The following XPNPEP1 variants were observed in gnomAD, a reference collection of about 807,000 sequenced individuals.
XPNPEP1 encodes the protein X-prolyl aminopeptidase 1.
In XPNPEP1, 39 loss-of-function variants were observed where a neutral mutation model predicts 92.4. The ratio of observed to expected loss-of-function variants is 0.42; its 90% confidence interval spans 0.33 to 0.55. The LOEUF (loss-of-function observed/expected upper bound fraction) is 0.55, where lower values mean the gene tolerates loss of function less well. Ranked by LOEUF, XPNPEP1 falls within the 20% of genes least tolerant of loss-of-function variation. The pLI is 0.08. For missense variants in XPNPEP1, 654 were observed against 856.1 expected (o/e 0.76, Z 2.95); for synonymous variants, 307 against 299.4 (o/e 1.03, Z -0.26).
chr10:109,909,546 C>T (rs115843068), intron 2 of XPNPEP1, among the ~76,000 whole-genome samples: 1 of 152,182 alleles, frequency 6.6e-6, no homozygotes, highest in Non-Finnish European at 1.5e-5. Flanking sequence ...ACAGATGATA[C>T]AAGCTGACTT....
intron 7 of XPNPEP1, among the ~76,000 whole-genome samples, chr10:109,887,023 C>A (rs1322353598): frequency 2.0e-5 from 3 of 152,200 alleles, no homozygotes; most frequent in Non-Finnish European, 4.4e-5. Context: ...GCCACCACAA[C>A]CACCCTACCA....
intron 20 of XPNPEP1, among the ~76,000 whole-genome samples, chr10:109,865,559 T>A: frequency 6.6e-6 from 1 of 152,300 alleles, no homozygotes; most frequent in Middle Eastern, 3.4e-3. Context: ...TAGACAGCAG[T>A]CTCTAAGCCA....
intron 10 of XPNPEP1, 143 bp downstream of exon 10, chr10:109,882,289 G>A: frequency 1.1e-6 from 1 of 893,870 alleles, no homozygotes; most frequent in East Asian, 2.7e-5. Flanking sequence ...CTCTTGCTAT[G>A]GCTCCAGCTT....
rs1015678327 is a variant in XPNPEP1, at chr10:109,894,966, G to C, written c.247-1891C>G. On this transcript the variant is annotated intron_variant, in intron 3 of 20. Transcript: ENST00000502935. ...ATTAAAAAGTAACAACGGGGGGAAG[G>C]GTGGCCCACACATCTCCTAGGACTC... 3.9e-5 allele frequency among the ~76,000 whole-genome samples: 6 copies of C among 152,242 alleles called. No individual in the cohort carries two copies. The East Asian group carries it at 7.7e-4, about 20-fold the overall frequency.
intron 1 of XPNPEP1, among the ~76,000 whole-genome samples, chr10:109,921,349 T>C (rs1341382777): frequency 6.6e-6 from 1 of 151,572 alleles, no homozygotes; most frequent in Non-Finnish European, 1.5e-5. Context: ...CCAGAACTTC[T>C]TCGACCTACA....
At chr10:109,883,043 C>G (rs1848192890) in intron 9 of XPNPEP1, among the ~76,000 whole-genome samples, 1 of 152,200 alleles carries the variant, frequency 6.6e-6, no homozygotes, top group Non-Finnish European at 1.5e-5. Flanking sequence ...ATGTTTCAGT[C>G]ATAATATTCT....
At chr10:109,909,828 A>G (rs1348564074) in intron 2 of XPNPEP1, among the ~76,000 whole-genome samples, 2 of 152,146 alleles carry the variant, frequency 1.3e-5, no homozygotes, top group African/African-American at 4.8e-5. Context: ...TCACAGCAAA[A>G]CTGAGCAGAA....
chr10:109,919,750 C>T (rs912116595), intron 1 of XPNPEP1, among the ~76,000 whole-genome samples: 1 of 152,158 alleles, frequency 6.6e-6, no homozygotes, highest in Non-Finnish European at 1.5e-5. Context: ...AAAGGGAAAT[C>T]ACGCCAGGCG....
At chr10:109,891,920 G>T (rs1230645858) in intron 4 of XPNPEP1, 94 bp from the exon 5 acceptor site, 2 of 1,253,688 alleles carry the variant, frequency 1.6e-6, no homozygotes, top group Non-Finnish European at 2.2e-6. Flanking sequence ...AGAGCAGTAA[G>T]AGGCATCAGC....
intron 3 of XPNPEP1, among the ~76,000 whole-genome samples, chr10:109,900,609 C>T (rs552646321): frequency 2.0e-5 from 3 of 152,300 alleles, no homozygotes; most frequent in South Asian, 2.1e-4. Flanking sequence ...CCAAATCCTA[C>T]CCCTCCTCTC....
At chr10:109,883,988 G>A in intron 9 of XPNPEP1, 79 bp downstream of exon 9, 2 of 1,286,294 alleles carry the variant, frequency 1.6e-6, no homozygotes, top group Non-Finnish European at 2.2e-6. Context: ...GCAGTGATGG[G>A]TGGGCCAGGA....
intron 3 of XPNPEP1, among the ~76,000 whole-genome samples, chr10:109,894,358 T>A (rs1159941386): frequency 6.6e-6 from 1 of 151,454 alleles, no homozygotes; most frequent in Non-Finnish European, 1.5e-5. Context: ...TGGTGAAACC[T>A]CATGTCTACA....
intron 2 of XPNPEP1, among the ~76,000 whole-genome samples, chr10:109,910,088 T>A (rs528175747): frequency 4.6e-5 from 7 of 152,254 alleles, no homozygotes; most frequent in African/African-American, 1.4e-4. Context: ...GCCCTGAAAA[T>A]TCTATATGCA....
intron 20 of XPNPEP1, among the ~76,000 whole-genome samples, chr10:109,865,665 C>T (rs1166428642): frequency 6.6e-6 from 1 of 152,246 alleles, no homozygotes; most frequent in African/African-American, 2.4e-5. Flanking sequence ...TCTGTGAGAA[C>T]TCCTGCTGAG....
Position 109,868,672 on chromosome 10 carries a change from A to G in XPNPEP1, c.1814T>C (p.Leu605Pro). 2.5e-6 allele frequency: 4 copies of G among 1,614,068 alleles called. No individual in the cohort carries two copies. The highest frequency in any genetic ancestry group is 3.4e-6 in the Non-Finnish European group (4 of 1,179,978). The change falls in exon 20 of 21, where the codon CTA becomes CCA. Residue 605 changes from leucine to proline, a missense_variant. Coordinates refer to ENST00000502935, the MANE Select transcript of XPNPEP1 (RefSeq NM_020383.4). ...NNRGSLTFEP[L>P]TLVPIQTKMI... ...TTTGGTCTGAATTGGAACCAATGTT[A>G]GAGGTTCAAAGGTCAGGCTTCCCCG...
intron 3 of XPNPEP1, among the ~76,000 whole-genome samples, chr10:109,898,231 A>G (rs1360577468): frequency 6.6e-6 from 1 of 152,238 alleles, no homozygotes; most frequent in Non-Finnish European, 1.5e-5. Flanking sequence ...GGGGATGAAC[A>G]TAATGCCCAC....
chr10:109,884,132 T>A lies in XPNPEP1; in HGVS notation c.765A>T (p.Arg255=). ...LDEIAWLFNL[R]GSDVEHNPVF... is the part of the protein sequence containing the mutation. ...CTGGATTGTGCTCCACATCTGATCC[T>A]CGGAGATTAAATAGCCCTAGAAAAG... Residue 255 remains arginine (R), a synonymous_variant, in exon 9 of 21, where the codon CGA becomes CGT. Coordinates refer to ENST00000502935, the MANE Select transcript of XPNPEP1 (RefSeq NM_020383.4). The A allele has an allele frequency of 6.2e-7, 1 of 1,613,974 alleles. No homozygotes were observed.
intron 6 of XPNPEP1, 37 bp from the exon 7 acceptor site, chr10:109,888,229 C>G (rs774129050): frequency 6.3e-7 from 1 of 1,599,398 alleles, no homozygotes; most frequent in South Asian, 1.1e-5. Flanking sequence ...ATGAGCCGAA[C>G]GCCCATTGCA....
chr10:109,873,383 G>C lies in XPNPEP1; in HGVS notation c.1436C>G (p.Pro479Arg). The C allele has an allele frequency of 1.2e-6, 2 of 1,614,126 alleles. No homozygotes were observed. Among genetic ancestry groups the C allele is most frequent in the Non-Finnish European group, 1.7e-6 (2 of 1,180,026 alleles). ...CCACCTTACCTTCTCGTAGGCTGTA[G>C]GGGTCCCAAAATGCATTGTCCGCGT... ...DVTRTMHFGTPTAYEKECFTY... is the reference protein window; with the variant it reads ...DVTRTMHFGTRTAYEKECFTY... The change falls in exon 16 of 21, where the codon CCT (proline) becomes CGT (arginine). Residue 479 changes from proline to arginine, a missense_variant. Physicochemically the swap from Pro to Arg is moderately radical, Grantham distance 103. Transcript: ENST00000502935.
Sources: gnomAD v4.1 joint callset for allele counts (sites outside exome capture counted in the v4.1 genomes callset) on GRCh38, gnomAD v4.1.1 for gene constraint, MANE v1.5 for transcripts, NCBI Gene and HGNC (gene_info 2026-07-23, HGNC 2026-07-21) for gene names.